Variants in SNTG1 observed in about 807,000 individuals in gnomAD.
SNTG1 encodes syntrophin gamma 1, also known as gamma-1-syntrophin.
SNTG1 carries 39 observed loss-of-function variants against 74.7 expected under a neutral mutation model. The observed-to-expected ratio is 0.52, with a 90% CI of 0.40 to 0.68. The LOEUF (loss-of-function observed/expected upper bound fraction) is 0.68. Among genes scored for constraint, SNTG1 ranks in the 30% least tolerant of loss-of-function variants. The pLI, the probability that SNTG1 is intolerant of heterozygous loss-of-function variation, is 0.00. For missense variants in SNTG1, 685 were observed against 609.5 expected, an observed-to-expected ratio of 1.12 and a Z score of -1.30; for synonymous variants, 254 against 217.1, an observed-to-expected ratio of 1.17 and a Z score of -1.49.
At chr8:50,249,535 C>T in intron 2 of SNTG1, among the ~76,000 whole-genome samples, 1 of 152,310 alleles carries the variant, frequency 6.6e-6, no homozygotes, top group East Asian at 1.9e-4. Context: ...TGCACACCCA[C>T]CCCTGCCCCT....
chr8:50,189,994 T>A (rs1270899678), intron 2 of SNTG1, among the ~76,000 whole-genome samples: 1 of 152,156 alleles, frequency 6.6e-6, no homozygotes, highest in Non-Finnish European at 1.5e-5. Context: ...ATTGCTTGTG[T>A]TATAGATATT....
intron 5 of SNTG1, among the ~76,000 whole-genome samples, chr8:50,441,019 C>T (rs2093353268): frequency 6.6e-6 from 1 of 152,218 alleles, no homozygotes; most frequent in South Asian, 2.1e-4. Context: ...ACACTCTTGA[C>T]AGATCTTGGC....
chr8:50,251,627 A>G (rs2086652187), intron 2 of SNTG1, among the ~76,000 whole-genome samples: 1 of 151,874 alleles, frequency 6.6e-6, no homozygotes, highest in East Asian at 1.9e-4. Context: ...GAAAAGACAA[A>G]GGATATTATT....
chr8:50,417,268 CT>C (rs1178082325), intron 4 of SNTG1, among the ~76,000 whole-genome samples: 2 of 152,058 alleles, frequency 1.3e-5, no homozygotes, highest in East Asian at 3.9e-4. Flanking sequence ...CTTGAATTTT[CT>C]ACTAGTTATG....
intron 1 of SNTG1, among the ~76,000 whole-genome samples, chr8:49,963,742 C>T (rs750271980): frequency 6.6e-6 from 1 of 152,218 alleles, no homozygotes; most frequent in African/African-American, 2.4e-5. Context: ...TGTAGCAATG[C>T]TATGAATAGC....
intron 2 of SNTG1, among the ~76,000 whole-genome samples, chr8:50,298,863 G>A (rs2089511354): frequency 6.6e-6 from 1 of 152,128 alleles, no homozygotes; most frequent in Admixed American, 6.6e-5. Context: ...TTACTTCATG[G>A]ACACTTTATT....
intron 17 of SNTG1, among the ~76,000 whole-genome samples, chr8:50,718,684 A>G (rs549508360): frequency 6.6e-6 from 1 of 152,298 alleles, no homozygotes; most frequent in African/African-American, 2.4e-5. Flanking sequence ...AAAGCATGTC[A>G]TGTGGTTGAG....
At chr8:50,012,556 T>C (rs987838161) in intron 1 of SNTG1, among the ~76,000 whole-genome samples, 2 of 152,146 alleles carry the variant, frequency 1.3e-5, no homozygotes, top group African/African-American at 4.8e-5. Context: ...GAGTTAGGCC[T>C]TGTTTTAAAA....
At chr8:50,102,597 C>T (rs1412073478) in intron 1 of SNTG1, among the ~76,000 whole-genome samples, 6 of 147,506 alleles carry the variant, frequency 4.1e-5, no homozygotes, top group Non-Finnish European at 9.0e-5. Flanking sequence ...GCTTTTGTTG[C>T]CATTGCTTTT....
intron 2 of SNTG1, among the ~76,000 whole-genome samples, chr8:50,323,762 C>T (rs759537288): frequency 6.6e-6 from 1 of 152,194 alleles, no homozygotes; most frequent in Non-Finnish European, 1.5e-5. Context: ...AGTACTTAGC[C>T]TTACCCAAAG....
intron 2 of SNTG1, among the ~76,000 whole-genome samples, chr8:50,247,567 A>G (rs2086455475): frequency 6.6e-6 from 1 of 152,206 alleles, no homozygotes; most frequent in African/African-American, 2.4e-5. Flanking sequence ...GTATAGTGGC[A>G]TGATCATAGT....
intron 1 of SNTG1, among the ~76,000 whole-genome samples, chr8:50,076,072 C>T (rs1014452834): frequency 6.6e-6 from 1 of 152,114 alleles, no homozygotes; most frequent in Non-Finnish European, 1.5e-5. Flanking sequence ...TGTAAAAAAT[C>T]CAATATCTGT....
At chr8:50,360,760 A>G (rs957042825) in intron 2 of SNTG1, among the ~76,000 whole-genome samples, 5 of 152,190 alleles carry the variant, frequency 3.3e-5, no homozygotes, top group African/African-American at 1.2e-4. Flanking sequence ...TATGGCATAA[A>G]AGATAAAAAA....
At chr8:50,750,389 A>T (rs572746978) in intron 17 of SNTG1, among the ~76,000 whole-genome samples, 2 of 152,124 alleles carry the variant, frequency 1.3e-5, no homozygotes, top group East Asian at 2.0e-4. Flanking sequence ...AATGATAACA[A>T]AATATTTAGA....
chr8:50,008,718 TCA>T (rs1213902973), intron 1 of SNTG1, among the ~76,000 whole-genome samples: 1 of 152,208 alleles, frequency 6.6e-6, no homozygotes, highest in Non-Finnish European at 1.5e-5. Flanking sequence ...ACAGCTTGTC[TCA>T]GTTAATCAAA....
Position 50,609,825 on chromosome 8 carries a change from T to A in SNTG1, c.849+18908T>A, listed in dbSNP as rs181808336. On this transcript the variant is annotated intron_variant, in intron 13 of 18. Transcript: ENST00000642720. ...TCTATTCTTTTCTACTCTAAAAGTT[T>A]CATTTGTTTCTTATTTTTAAATTTC... Among the ~76,000 whole-genome samples the A allele has an allele frequency of 6.9e-3, 1,046 of 152,278 alleles. 8 individuals are homozygous for A. The highest frequency in any genetic ancestry group is 0.017 in the Middle Eastern group (5 of 294).
chr8:50,269,750 C>CA (rs1450642920), intron 2 of SNTG1, among the ~76,000 whole-genome samples: 1 of 151,866 alleles, frequency 6.6e-6, no homozygotes, highest in African/African-American at 2.4e-5. Flanking sequence ...AGAAAAAAAA[C>CA]AGAGTTTTTT....
At chr8:50,761,256 A>T (rs1050300678) in intron 18 of SNTG1, among the ~76,000 whole-genome samples, 1 of 151,986 alleles carries the variant, frequency 6.6e-6, no homozygotes, top group South Asian at 2.1e-4. Flanking sequence ...ACATAAACAG[A>T]ACCAATGCAA....
chr8:50,150,148 T>A (rs569472873), intron 1 of SNTG1, among the ~76,000 whole-genome samples: 13 of 152,286 alleles, frequency 8.5e-5, no homozygotes, highest in African/African-American at 2.9e-4. Context: ...TTATTCTCTT[T>A]GAAGCAATTG....
Sources: gnomAD v4.1 joint callset for allele counts (sites outside exome capture counted in the v4.1 genomes callset) on GRCh38, gnomAD v4.1.1 for gene constraint, MANE v1.5 for transcripts, NCBI Gene and HGNC (gene_info 2026-07-23, HGNC 2026-07-21) for gene names.